Variants in NAGPA observed in about 807,000 individuals in gnomAD.
NAGPA encodes N-acetylglucosamine-1-phosphodiester alpha-N-acetylglucosaminidase, also known as alpha-N-acetylglucosaminyl phosphodiesterase.
A neutral mutation model predicts 48.5 loss-of-function variants in NAGPA; 56 were observed. The observed-to-expected ratio is 1.15, with a 90% CI of 0.93 to 1.44. The LOEUF is 1.44. NAGPA is among the 40% of genes most tolerant of loss of function. The probability of loss-of-function intolerance (pLI) is 0.00; values close to 1 mark genes in which losing one functional copy is unlikely to be tolerated. For missense variants in NAGPA, 888 were observed against 735.0 expected (o/e 1.21, Z -2.41); for synonymous variants, 399 against 315.5 (o/e 1.26, Z -2.81).
Position 5,033,369 on chromosome 16 carries a change from A to G in NAGPA, c.446T>C (p.Leu149Pro), listed in dbSNP as rs763048484. ...CCGCTCGTCGCTCACCACGTTCCCC[A>G]GGCACTCGCCCGAGTTCATGCGGAA... ...GFFRMNSGECLGNVVSDERRV... is the reference protein window; with the variant it reads ...GFFRMNSGECPGNVVSDERRV... The change falls in exon 2 of 10, where the codon CTG becomes CCG. Residue 149 changes from leucine to proline, a missense_variant. Physicochemically the swap from Leu to Pro is moderately conservative, Grantham distance 98 (BLOSUM62 -3). Coordinates refer to ENST00000312251, the MANE Select transcript of NAGPA (RefSeq NM_016256.4). The surrounding 1 kb of genome is among the most constrained non-coding windows in gnomAD (Gnocchi z 4.2). The G allele has an allele frequency of 1.3e-5, 20 of 1,597,614 alleles. No homozygotes were observed. The highest frequency in any genetic ancestry group is 1.6e-5 in the Non-Finnish European group (19 of 1,179,550).
chr16:5,030,456 C>G lies in NAGPA; in HGVS notation c.720G>C (p.Arg240Ser). The G allele has an allele frequency of 6.4e-7, 1 of 1,554,694 alleles. No individual in the cohort carries two copies. The highest frequency in any genetic ancestry group is 8.7e-7 in the Non-Finnish European group (1 of 1,148,408). The change falls in exon 4 of 10, where the codon AGG becomes AGC. Residue 240 changes from arginine (R) to serine (S), a missense_variant. Coordinates refer to ENST00000312251, the MANE Select transcript of NAGPA (RefSeq NM_016256.4). ...CTTTCCGGTCGTGGCCAATGGCCGTCCTGGCTGATATCACATTCACAAATT... is the reference window on the plus strand; with the variant it reads ...CTTTCCGGTCGTGGCCAATGGCCGTGCTGGCTGATATCACATTCACAAATT... ...FSKFVNVISA[R>S]TAIGHDRKGQ...
intron 3 of NAGPA, chr16:5,031,412 T>C (rs1159389925): frequency 5.6e-6 from 2 of 355,834 alleles, no homozygotes; most frequent in South Asian, 2.3e-5. Context: ...AACAAGCTCC[T>C]GGGCCACGCC....
At chr16:5,028,341 C>T (rs1157008714) in intron 5 of NAGPA, 156 bp from the exon 6 acceptor site, 1 of 1,408,368 alleles carries the variant, frequency 7.1e-7, no homozygotes, top group Non-Finnish European at 9.8e-7. Context: ...GTATTGCGAT[C>T]CTTCCACCCG....
intron 2 of NAGPA, chr16:5,032,985 A>C: frequency 3.7e-6 from 2 of 542,168 alleles, no homozygotes; most frequent in South Asian, 2.1e-5. Flanking sequence ...TATGTTAGCT[A>C]TTTACCCGGC....
chr16:5,033,182 C>G lies in NAGPA; in HGVS notation c.542+91G>C, dbSNP rs866331290. 6.9e-7 allele frequency: 1 copy of G among 1,438,876 alleles called. No individual in the cohort carries two copies. The highest frequency in any genetic ancestry group is 2.4e-4 in the Middle Eastern group (1 of 4,180). 89.1% of individuals were successfully genotyped at this position (1,438,876 alleles called of 1,614,324 possible). ...TGCAGAGGAGGAAACAGGGGCTCAGCTTGGTTAAGTGACTTGAACACGGAG... is the reference window on the plus strand; with the variant it reads ...TGCAGAGGAGGAAACAGGGGCTCAGGTTGGTTAAGTGACTTGAACACGGAG... On this transcript the variant is annotated intron_variant, in intron 2 of 9. Transcript: ENST00000312251. The surrounding 1 kb of genome is among the most constrained non-coding windows in gnomAD (Gnocchi z 4.2).
At chr16:5,030,285 C>T (rs1956076206) in intron 4 of NAGPA, 100 bp downstream of exon 4, 1 of 1,121,320 alleles carries the variant, frequency 8.9e-7, no homozygotes. Context: ...GTGTCAACAT[C>T]CCAGAAAGCA....
Position 5,027,374 on chromosome 16 carries a change from G to A in NAGPA, c.1180C>T (p.Pro394Ser), listed in dbSNP as rs924915988. The A allele has an allele frequency of 4.3e-6, 7 of 1,611,316 alleles. No individual in the cohort carries two copies. In the Admixed American group the frequency reaches 8.4e-5, roughly 19 times the overall value. ...CAGCCCGGCCCATGCCAGCCAAGGGGACACTCTATGGAAAGGAGATGGGAG... is the reference window on the plus strand; with the variant it reads ...CAGCCCGGCCCATGCCAGCCAAGGGAACACTCTATGGAAAGGAGATGGGAG... ...WTGSNCSEEC[P>S]LGWHGPGCQR... The change falls in exon 8 of 10, where the codon CCC becomes TCC. Residue 394 changes from proline (P) to serine (S), a missense_variant. Pro to Ser is a moderately conservative substitution (Grantham distance 74). Transcript: ENST00000312251.
Position 5,028,143 on chromosome 16 carries a change from C to G in NAGPA, c.963G>C (p.Val321=). The change falls in exon 6 of 10, where the codon GTG becomes GTC. Residue 321 remains valine, a synonymous_variant. Transcript: ENST00000312251. ...MWRCPRQVST[V]VCVHEPRCQP... ...GGCAGCGGGGTTCGTGCACACACAC[C>G]ACGGTGGACACTTGGCGGGGACAGC... The G allele has an allele frequency of 6.3e-7, 1 of 1,590,942 alleles. No homozygotes were observed. The highest frequency in any genetic ancestry group is 8.6e-7 in the Non-Finnish European group (1 of 1,168,660).
rs1956035488 is a variant in NAGPA, at chr16:5,028,064, T to G, written c.1042A>C (p.Thr348Pro). 1 of 1,613,182 alleles carries G rather than the reference T, an allele frequency of 6.2e-7. No homozygotes were observed. The highest frequency in any genetic ancestry group is 1.3e-5 in the African/African-American group (1 of 74,710). Residue 348 changes from threonine (T) to proline (P), a missense_variant, in exon 6 of 10, where the codon ACC (threonine) becomes CCC (proline). By Grantham distance (38) the Thr-to-Pro change is conservative. Coordinates refer to ENST00000312251, the MANE Select transcript of NAGPA (RefSeq NM_016256.4). Reference protein sequence around the residue: ...GTCVDGHCQCTGHFWRGPGCD... With the variant: ...GTCVDGHCQCPGHFWRGPGCD... Reference sequence around the variant, plus strand: ...CCGGGACCCCGCCAGAAGTGCCCGGTGCATTGGCAGTGCCCGTCCACGCAG... The same window carrying G: ...CCGGGACCCCGCCAGAAGTGCCCGGGGCATTGGCAGTGCCCGTCCACGCAG...
chr16:5,028,581 G>C (rs1956046422), intron 5 of NAGPA: 9 of 551,068 alleles, frequency 1.6e-5, no homozygotes, highest in South Asian at 1.6e-4. Flanking sequence ...ATCCCTCCCA[G>C]CCCTGGGCCT....
Position 5,027,878 on chromosome 16 carries a change from T to A in NAGPA, c.1142A>T (p.Asp381Val), listed in dbSNP as rs1489949380. Residue 381 changes from aspartate to valine, a missense_variant, in exon 7 of 10, where the codon GAT (aspartate) becomes GTT (valine). Coordinates refer to ENST00000312251, the MANE Select transcript of NAGPA (RefSeq NM_016256.4). ...GCAGTTGGACCCGGTCCATCCGGCA[T>A]CACAGCGGCAGCCGGCTGCCGAGAC... Reference protein sequence around the residue: ...GLCTETGCRCDAGWTGSNCSE... With the variant: ...GLCTETGCRCVAGWTGSNCSE... The A allele has an allele frequency of 6.3e-7, 1 of 1,585,024 alleles. No individual in the cohort carries two copies. Among genetic ancestry groups the A allele is most frequent in the Non-Finnish European group, 8.6e-7 (1 of 1,165,588 alleles).
chr16:5,027,029 G>A, intron 9 of NAGPA, 106 bp downstream of exon 9: 1 of 1,390,260 alleles, frequency 7.2e-7, no homozygotes, highest in Non-Finnish European at 1.0e-6. Context: ...CTCTAAGGCA[G>A]GGAGCTGGCA....
intron 5 of NAGPA, chr16:5,028,552 G>C (rs1423687353): frequency 1.8e-6 from 1 of 563,146 alleles, no homozygotes; most frequent in South Asian, 1.9e-5. Flanking sequence ...GTCTTTTATA[G>C]GTTCCTCCGC....
chr16:5,031,976 T>C, intron 2 of NAGPA, 92 bp from the exon 3 acceptor site: 1 of 1,568,350 alleles, frequency 6.4e-7, no homozygotes, highest in South Asian at 1.1e-5. Flanking sequence ...ACCTGGCTGC[T>C]AGATTCCCCC....
At chr16:5,027,416 G>A in intron 7 of NAGPA, 37 bp from the exon 8 acceptor site, 1 of 1,504,206 alleles carries the variant, frequency 6.6e-7, no homozygotes, top group Non-Finnish European at 9.2e-7. Context: ...GGAGGGAGGA[G>A]AAAGGTTGGG....
At chr16:5,030,625 C>T (rs1042542768) in intron 3 of NAGPA, 132 bp from the exon 4 acceptor site, 66 of 771,418 alleles carry the variant, frequency 8.6e-5, no homozygotes, top group Non-Finnish European at 1.3e-4. Flanking sequence ...GCTCGTCTCC[C>T]TGCCTCCCCT....
At chr16:5,028,661 A>T in intron 5 of NAGPA, 1 of 675,162 alleles carries the variant, frequency 1.5e-6, no homozygotes, top group Non-Finnish European at 2.5e-6. Context: ...TTCAGATCTC[A>T]GTTCTTATTC....
At chr16:5,032,641 T>G (rs919557355) in intron 2 of NAGPA, among the ~76,000 whole-genome samples, 1 of 151,760 alleles carries the variant, frequency 6.6e-6, no homozygotes. Flanking sequence ...ATCATGCCAC[T>G]GCCCTCCATC....
At position 5,028,078 on chromosome 16, in the gene NAGPA, C is replaced by G; in HGVS notation, c.1028G>C (p.Gly343Ala). ...GAAGTGCCCGGTGCATTGGCAGTGCCCGTCCACGCAGGTCCCGTGGCCGTG... is the reference window on the plus strand; with the variant it reads ...GAAGTGCCCGGTGCATTGGCAGTGCGCGTCCACGCAGGTCCCGTGGCCGTG... ...DCHGHGTCVD[G>A]HCQCTGHFWR... The change falls in exon 6 of 10, where the codon GGG becomes GCG. Residue 343 changes from glycine (G) to alanine (A), a missense_variant. By Grantham distance (60) the Gly-to-Ala change is moderately conservative. Coordinates refer to ENST00000312251, the MANE Select transcript of NAGPA (RefSeq NM_016256.4). 6.2e-7 allele frequency: 1 copy of G among 1,613,546 alleles called. No homozygotes were observed. The highest frequency in any genetic ancestry group is 8.5e-7 in the Non-Finnish European group (1 of 1,179,876).
Sources: allele counts gnomAD v4.1 joint callset (sites outside exome capture counted in the v4.1 genomes callset), GRCh38; gene constraint gnomAD v4.1.1; non-coding constraint Gnocchi (gnomAD v3.1); transcripts MANE v1.5; gene names NCBI Gene and HGNC (gene_info 2026-07-23, HGNC 2026-07-21).